TAF15: variants seen among roughly 807,000 people sequenced by gnomAD.
TAF15 encodes the protein TATA-binding protein-associated factor 2N.
Under a neutral mutation model 102.5 loss-of-function variants are expected in TAF15, and 37 were observed. The ratio of observed to expected loss-of-function variants is 0.36; its 90% CI spans 0.28 to 0.47. The LOEUF is 0.47. Ranked by LOEUF, TAF15 falls within the 20% of genes least tolerant of loss-of-function variation. The pLI is 0.99. For synonymous variants in TAF15, 273 were observed against 259.2 expected, an observed-to-expected ratio of 1.05 and a Z score of -0.51; for missense variants, 652 against 760.7, an observed-to-expected ratio of 0.86 and a Z score of 1.68.
intron 1 of TAF15, among the ~76,000 whole-genome samples, chr17:35,811,737 CAG>C (rs1305044873): frequency 6.6e-6 from 1 of 152,186 alleles, no homozygotes; most frequent in African/African-American, 2.4e-5. Context: ...AATTATAAGT[CAG>C]AGTCTAACAT....
intron 1 of TAF15, among the ~76,000 whole-genome samples, chr17:35,813,634 C>T (rs932625003): frequency 5.6e-3 from 31 of 5,572 alleles, no homozygotes; most frequent in African/African-American, 0.013. Flanking sequence ...AGACCCTGTC[C>T]CCCCCCCCCC....
At chr17:35,824,285 C>T in intron 7 of TAF15, 87 bp downstream of exon 7, 1 of 1,537,282 alleles carries the variant, frequency 6.5e-7, no homozygotes. Flanking sequence ...TCAATTCCAG[C>T]ATCTAATTTA....
At chr17:35,832,751 C>T (rs987554147) in intron 7 of TAF15, among the ~76,000 whole-genome samples, 8 of 151,716 alleles carry the variant, frequency 5.3e-5, no homozygotes, top group African/African-American at 1.9e-4. Flanking sequence ...TTAAGAGAAA[C>T]AAGCTTTTAT....
At chr17:35,823,778 A>G (rs1457543786) in intron 6 of TAF15, 1 of 370,126 alleles carries the variant, frequency 2.7e-6, no homozygotes, top group Non-Finnish European at 5.1e-6. Context: ...TGTAGCTAAG[A>G]TTGTATTTTA....
chr17:35,820,539 T>C (rs2087246453), intron 5 of TAF15, 102 bp downstream of exon 5: 2 of 1,105,304 alleles, frequency 1.8e-6, no homozygotes, highest in Non-Finnish European at 2.6e-6. Context: ...CTTTTTTTTT[T>C]TTTAAAGGAA....
intron 7 of TAF15, among the ~76,000 whole-genome samples, chr17:35,833,175 T>C (rs1455451619): frequency 6.6e-6 from 1 of 150,404 alleles, no homozygotes; most frequent in Non-Finnish European, 1.5e-5. Context: ...AAAAAAGTTG[T>C]CCTGTTTGGA....
chr17:35,817,430 A>G (rs1208085442), intron 1 of TAF15: 3 of 398,786 alleles, frequency 7.5e-6, no homozygotes, highest in African/African-American at 2.0e-5. Context: ...ATATTGCTTA[A>G]GGTCTTGAGT....
chr17:35,822,505 A>G, intron 5 of TAF15, 135 bp from the exon 6 acceptor site: 1 of 771,258 alleles, frequency 1.3e-6, no homozygotes, highest in Non-Finnish European at 2.1e-6. Context: ...CAGATAACTA[A>G]TTACCATGAG....
intron 7 of TAF15, among the ~76,000 whole-genome samples, chr17:35,825,902 C>T (rs190718647): frequency 1.3e-3 from 196 of 151,756 alleles, no homozygotes; most frequent in African/African-American, 4.4e-3. Flanking sequence ...TGCAGTGAGC[C>T]GAGATCGTGC....
intron 7 of TAF15, among the ~76,000 whole-genome samples, chr17:35,826,840 G>C (rs955337819): frequency 5.0e-4 from 75 of 150,582 alleles, no homozygotes; most frequent in African/African-American, 1.6e-3. Context: ...TTACAGGTGT[G>C]AGCCACCACG....
At chr17:35,840,139 A>C (rs1003882469) in intron 11 of TAF15, among the ~76,000 whole-genome samples, 2 of 150,812 alleles carry the variant, frequency 1.3e-5, no homozygotes, top group African/African-American at 4.9e-5. Flanking sequence ...TGCTGGATCT[A>C]CTCTTTCCAA....
At chr17:35,829,039 T>G (rs555346829) in intron 7 of TAF15, among the ~76,000 whole-genome samples, 1 of 145,908 alleles carries the variant, frequency 6.9e-6, no homozygotes, top group Admixed American at 6.7e-5. Context: ...AAATAAAATG[T>G]AAATACAGCT....
Position 35,844,638 on chromosome 17 carries a change from G to A in TAF15, c.1339G>A (p.Gly447Ser), listed in dbSNP as rs1181994819. 6.9e-6 allele frequency: 11 copies of A among 1,602,036 alleles called. No individual in the cohort carries two copies. The highest frequency in any genetic ancestry group is 8.5e-6 in the Non-Finnish European group (10 of 1,172,876). The change falls in exon 15 of 16, where the codon GGT (glycine) becomes AGT (serine). Residue 447 changes from glycine (G) to serine (S), a missense_variant. Around this residue, in one of 3 missense-constraint regions of TAF15, gnomAD observed 368 missense variants for 367.5 expected, o/e 1.00. Coordinates refer to ENST00000605844, the MANE Select transcript of TAF15 (RefSeq NM_139215.3). ...YSGDRSGGGY[G>S]GDRSGGGYGG... Reference sequence around the variant, plus strand: ...CGGAGATAGAAGTGGGGGCGGCTATGGTGGAGACAGAAGTGGGGGTGGCTA... The same window carrying A: ...CGGAGATAGAAGTGGGGGCGGCTATAGTGGAGACAGAAGTGGGGGTGGCTA...
chr17:35,831,131 A>C (rs1444546871), intron 7 of TAF15, among the ~76,000 whole-genome samples: 2 of 152,162 alleles, frequency 1.3e-5, no homozygotes, highest in African/African-American at 4.8e-5. Context: ...GGCCGGGCGC[A>C]GTGACTCATG....
At chr17:35,838,332 C>T in intron 10 of TAF15, 92 bp from the exon 11 acceptor site, 1 of 1,545,808 alleles carries the variant, frequency 6.5e-7, no homozygotes, top group Non-Finnish European at 8.8e-7. Context: ...TGTGTGAATT[C>T]CTTGTAAAAA....
At chr17:35,833,681 A>G (rs368438148) in intron 7 of TAF15, 2 of 540,460 alleles carry the variant, frequency 3.7e-6, no homozygotes. Flanking sequence ...AGAGTATATT[A>G]GATATGTAAT....
In TAF15 at chr17:35,817,714, A is replaced by G; in HGVS notation, c.8-2A>G. ...ATTTAAAATTCTTTTTATGTGTTCT[A>G]GATTCTGGAAGTTACGGTCAGTCTG... On this transcript the variant is annotated splice_acceptor_variant, in intron 1 of 15. Transcript: ENST00000605844. LOFTEE classifies it high-confidence loss of function. 1 of 1,613,188 alleles carries G rather than the reference A, an allele frequency of 6.2e-7. No individual in the cohort carries two copies. Among genetic ancestry groups the G allele is most frequent in the Non-Finnish European group, 8.5e-7 (1 of 1,179,206 alleles).
chr17:35,838,592 T>C, intron 11 of TAF15, 39 bp downstream of exon 11: 1 of 1,609,944 alleles, frequency 6.2e-7, no homozygotes, highest in Non-Finnish European at 8.5e-7. Context: ...TGAAGTTGGA[T>C]AAATGTTTTC....
Position 35,820,369 on chromosome 17 carries a change from G to A in TAF15, c.222G>A (p.Lys74=), listed in dbSNP as rs896910618. 3.1e-6 allele frequency: 5 copies of A among 1,613,910 alleles called. No individual in the cohort carries two copies. Among genetic ancestry groups the A allele is most frequent in the African/African-American group, 2.7e-5 (2 of 74,904 alleles). The change falls in exon 5 of 16, where the codon AAG becomes AAA. Residue 74 remains lysine, a synonymous_variant. Coordinates refer to ENST00000605844, the MANE Select transcript of TAF15 (RefSeq NM_139215.3). The part of the protein sequence containing the change: ...SQSYGGYENQ[K]QSSYSQQPYN... ...CCTATGGTGGTTATGAGAATCAAAA[G>A]CAGAGCTCATATAGCCAGCAACCAT...
Sources: gnomAD v4.1 joint callset for allele counts (sites outside exome capture counted in the v4.1 genomes callset) on GRCh38, gnomAD v4.1.1 for gene constraint, gnomAD v4.1.1 regional missense constraint, MANE v1.5 for transcripts, NCBI Gene and HGNC (gene_info 2026-07-23, HGNC 2026-07-21) for gene names.